MAPRE2: variants seen among roughly 807,000 people sequenced by gnomAD.
MAPRE2 encodes microtubule-associated protein RP/EB family member 2.
Under a neutral mutation model 43.2 loss-of-function variants are expected in MAPRE2, and 13 were observed. The ratio of observed to expected loss-of-function variants is 0.30; its 90% CI spans 0.20 to 0.48. MAPRE2 has a LOEUF of 0.48. Among genes scored for constraint, MAPRE2 ranks in the 20% least tolerant of loss-of-function variants. The pLI is 0.99. For missense variants in MAPRE2, 161 were observed against 400.2 expected, an observed-to-expected ratio of 0.40 and a Z score of 5.10; for synonymous variants, 135 against 148.8, an observed-to-expected ratio of 0.91 and a Z score of 0.68.
upstream of MAPRE2, among the ~76,000 whole-genome samples, chr18:35,037,760 C>T (rs890379290): frequency 2.6e-5 from 4 of 152,124 alleles, no homozygotes; most frequent in Admixed American, 2.6e-4. Context: ...CACAGTATTA[C>T]AGCCTCTTCC....
rs1049708340 is a variant in MAPRE2 at position 35,070,565 on chromosome 18, C to T, written c.250+243C>T. Reference sequence around the variant, plus strand: ...TTGGAAAGGTCTCTTGCTTGAGCTTCGTAATGCCTTTCACTGGCTCCTAGC... The same window carrying T: ...TTGGAAAGGTCTCTTGCTTGAGCTTTGTAATGCCTTTCACTGGCTCCTAGC... On this transcript the variant is annotated intron_variant, in intron 2 of 6. Coordinates refer to ENST00000300249, the MANE Select transcript of MAPRE2 (RefSeq NM_014268.4). 17 of 285,250 alleles carry T rather than the reference C, an allele frequency of 6.0e-5. No homozygotes were observed. The South Asian group carries it at 6.8e-4, about 11-fold the overall frequency. The allele number at this position is 285,250 out of a possible 1,614,324, so 17.7% of individuals were successfully genotyped here.
At chr18:35,042,961 A>G (rs1474040242) in intron 1 of MAPRE2, among the ~76,000 whole-genome samples, 1 of 152,008 alleles carries the variant, frequency 6.6e-6, no homozygotes, top group Admixed American at 6.5e-5. Flanking sequence ...TTGCCCTGTC[A>G]TCTCTGGCAG....
chr18:35,027,970 C>G (rs2097046135), intron 2 of MAPRE2, among the ~76,000 whole-genome samples: 1 of 152,150 alleles, frequency 6.6e-6, no homozygotes. Context: ...TTGGTACTTC[C>G]CCCAGAGTAG....
intron 2 of MAPRE2, among the ~76,000 whole-genome samples, chr18:35,083,288 G>A (rs1907728025): frequency 6.6e-6 from 1 of 152,192 alleles, no homozygotes; most frequent in African/African-American, 2.4e-5. Flanking sequence ...ATACGTGAGT[G>A]CACATGTGGA....
At chr18:35,131,165 G>A (rs558379431) in intron 5 of MAPRE2, among the ~76,000 whole-genome samples, 1 of 152,316 alleles carries the variant, frequency 6.6e-6, no homozygotes, top group Admixed American at 6.5e-5. Context: ...GAGAGCGTTT[G>A]TCTAATGTGG....
intron 1 of MAPRE2, among the ~76,000 whole-genome samples, chr18:35,049,613 G>T (rs1243886392): frequency 6.6e-6 from 1 of 152,158 alleles, no homozygotes; most frequent in African/African-American, 2.4e-5. Context: ...ATGTGAGATG[G>T]AGAGGTTCCC....
chr18:35,088,161 A>G (rs1907966718), intron 2 of MAPRE2, among the ~76,000 whole-genome samples: 1 of 152,204 alleles, frequency 6.6e-6, no homozygotes, highest in Non-Finnish European at 1.5e-5. Context: ...GAGTTAATAC[A>G]ATGCCAACAT....
intron 4 of MAPRE2, among the ~76,000 whole-genome samples, chr18:35,103,259 T>C (rs1408984365): frequency 1.3e-5 from 2 of 152,128 alleles, no homozygotes; most frequent in Non-Finnish European, 2.9e-5. Context: ...ATAGTACTCA[T>C]GTAGATGAAG....
intron 2 of MAPRE2, among the ~76,000 whole-genome samples, chr18:35,093,403 A>G (rs1045746782): frequency 6.6e-6 from 1 of 152,092 alleles, no homozygotes; most frequent in African/African-American, 2.4e-5. Flanking sequence ...TGATCCAGCA[A>G]TCCCACGACT....
At chr18:35,085,997 G>A (rs2144139356) in intron 2 of MAPRE2, among the ~76,000 whole-genome samples, 1 of 152,264 alleles carries the variant, frequency 6.6e-6, no homozygotes, top group East Asian at 1.9e-4. Context: ...TCACATGGAT[G>A]TGTCCAATTA....
At chr18:35,071,732 G>A (rs957931973) in intron 2 of MAPRE2, among the ~76,000 whole-genome samples, 6 of 152,220 alleles carry the variant, frequency 3.9e-5, no homozygotes, top group African/African-American at 1.4e-4. Context: ...ACCCACCAGT[G>A]TAAATATTCT....
chr18:35,090,779 C>G (rs1908109614), intron 2 of MAPRE2, among the ~76,000 whole-genome samples: 1 of 150,818 alleles, frequency 6.6e-6, no homozygotes, highest in Admixed American at 6.6e-5. Context: ...AGGAGGAAGT[C>G]AAATTGTTTG....
At chr18:35,056,430 A>T (rs1301588764) in intron 1 of MAPRE2, among the ~76,000 whole-genome samples, 3 of 152,228 alleles carry the variant, frequency 2.0e-5, no homozygotes, top group African/African-American at 7.2e-5. Flanking sequence ...AGCCAAAAAA[A>T]GAAAAGAAAA....
At chr18:35,098,116 GC>G (rs1379340819) in intron 3 of MAPRE2, among the ~76,000 whole-genome samples, 1 of 152,114 alleles carries the variant, frequency 6.6e-6, no homozygotes, top group Admixed American at 6.6e-5. Context: ...TCCATAATTT[GC>G]CCTTTTTTTC....
intron 2 of MAPRE2, among the ~76,000 whole-genome samples, chr18:35,086,507 C>T (rs1393307935): frequency 6.6e-6 from 1 of 151,794 alleles, no homozygotes; most frequent in East Asian, 1.9e-4. Context: ...AACACCAGTC[C>T]AAACGATTTA....
chr18:35,000,496 G>T (rs1346703074), intron 1 of MAPRE2, among the ~76,000 whole-genome samples: 1 of 152,182 alleles, frequency 6.6e-6, no homozygotes, highest in East Asian at 1.9e-4. Context: ...GGACTCCCTA[G>T]CTAGGATAGA....
In MAPRE2 at chr18:35,041,766, G is replaced by T. The variant is rs1378521950; in HGVS notation, c.122+105G>T. On this transcript the variant is annotated intron_variant, in intron 1 of 6. Coordinates refer to ENST00000300249, the MANE Select transcript of MAPRE2 (RefSeq NM_014268.4). ...GACACTGCCTGCGACCCCTGCTGCA[G>T]GCATGCATTTGTGAAGGCGGTTGTG... The T allele has an allele frequency of 2.2e-5, 35 of 1,574,992 alleles. No homozygotes were observed. In the Middle Eastern group the frequency reaches 6.7e-4, roughly 30 times the overall value.
intron 3 of MAPRE2, among the ~76,000 whole-genome samples, chr18:35,098,662 G>A (rs1908535741): frequency 6.6e-6 from 1 of 152,006 alleles, no homozygotes; most frequent in South Asian, 2.1e-4. Flanking sequence ...TTAAAACTAG[G>A]GATATATAGG....
At position 35,091,516 on chromosome 18, in the gene MAPRE2, C is replaced by T. The variant is rs932955525; in HGVS notation, c.251-5930C>T. Among the ~76,000 whole-genome samples the T allele has an allele frequency of 3.9e-5, 6 of 152,160 alleles. No individual in the cohort carries two copies. The East Asian group carries it at 1.2e-3, about 29-fold the overall frequency. Reference sequence around the variant, plus strand: ...AGCCATCTATAGATCCAGTGCAATTCCTGCAAAAAATACCAATGGCATTCT... The same window carrying T: ...AGCCATCTATAGATCCAGTGCAATTTCTGCAAAAAATACCAATGGCATTCT... On this transcript the variant is annotated intron_variant, in intron 2 of 6. Transcript: ENST00000300249.
Sources: gnomAD v4.1 joint callset for allele counts (sites outside exome capture counted in the v4.1 genomes callset) on GRCh38, gnomAD v4.1.1 for gene constraint, MANE v1.5 for transcripts, NCBI Gene and HGNC (gene_info 2026-07-23, HGNC 2026-07-21) for gene names.